TEX11: variants seen among roughly 807,000 people sequenced by gnomAD.
The protein encoded by TEX11 is testis expressed 11.
TEX11 carries 7 observed loss-of-function variants against 84.4 expected under a neutral mutation model. That is an observed-to-expected ratio of 0.08 (90% CI 0.05 to 0.16). The LOEUF is 0.16. TEX11 is among the 10% of genes least tolerant of loss of function. TEX11 has a pLI of 1.00. For missense variants in TEX11, 551 were observed against 660.5 expected (o/e 0.83, Z 1.82); for synonymous variants, 264 against 222.8 (o/e 1.18, Z -1.64).
Position 70,725,299 on chromosome X carries a change from G to C in TEX11, c.888C>G (p.Leu296=). 1 of 1,201,082 alleles carries C rather than the reference G, an allele frequency of 8.3e-7. No homozygotes were observed. Among genetic ancestry groups the C allele is most frequent in the Non-Finnish European group, 1.1e-6 (1 of 888,280 alleles). ...CTTCATTAGATGTTTCGCCTTTCAA[G>C]AGGATTTTCATTTTTAAGAAAAGCC... ...SPGLFLKMKI[L]LKGETSNEEL... The change falls in exon 12 of 30, where the codon CTC becomes CTG. Residue 296 remains leucine, a synonymous_variant. Coordinates refer to ENST00000374333, the MANE Select transcript of TEX11 (RefSeq NM_031276.3).
At chrX:70,668,565 C>A (rs2089996624) in intron 16 of TEX11, among the ~76,000 whole-genome samples, 1 of 112,183 alleles carries the variant, frequency 8.9e-6, no homozygotes, top group Non-Finnish European at 1.9e-5. Flanking sequence ...TTGGTTTCAC[C>A]ACTAATCTGG....
intron 8 of TEX11, among the ~76,000 whole-genome samples, chrX:70,811,626 G>A (rs2091255219): frequency 9.0e-6 from 1 of 111,084 alleles, no homozygotes; most frequent in Non-Finnish European, 1.9e-5. Flanking sequence ...GGTTGAACTA[G>A]TTTACAGTCC....
At chrX:70,710,862 T>C (rs779832757) in intron 13 of TEX11, among the ~76,000 whole-genome samples, 3 of 111,099 alleles carry the variant, frequency 2.7e-5, no homozygotes, top group South Asian at 7.8e-4. Flanking sequence ...TATGTATACA[T>C]GTGCCATGTT....
chrX:70,857,857 A>AG (rs1569456365), intron 5 of TEX11, among the ~76,000 whole-genome samples: 1 of 111,590 alleles, frequency 9.0e-6, no homozygotes, highest in Non-Finnish European at 1.9e-5. Context: ...TATATATATA[A>AG]CTGAATACTA....
At chrX:70,607,247 C>T (rs2089205160) in intron 22 of TEX11, among the ~76,000 whole-genome samples, 1 of 110,770 alleles carries the variant, frequency 9.0e-6, no homozygotes, top group Non-Finnish European at 1.9e-5. Flanking sequence ...GACCAATGAC[C>T]AAGGGAGGTA....
intron 11 of TEX11, among the ~76,000 whole-genome samples, chrX:70,730,780 A>G (rs2090641690): frequency 9.0e-6 from 1 of 111,593 alleles, no homozygotes; most frequent in South Asian, 3.8e-4. Flanking sequence ...CAGGAACTGA[A>G]CTCAGCTCTG....
chrX:70,868,803 C>T (rs1358837523), intron 4 of TEX11, among the ~76,000 whole-genome samples: 1 of 110,108 alleles, frequency 9.1e-6, no homozygotes, highest in Non-Finnish European at 1.9e-5. Flanking sequence ...TAAATGTTCT[C>T]ACTCATAAGT....
At chrX:70,703,149 T>C (rs1236170303) in intron 13 of TEX11, among the ~76,000 whole-genome samples, 1 of 111,549 alleles carries the variant, frequency 9.0e-6, no homozygotes, top group East Asian at 2.8e-4. Flanking sequence ...AGCTGGCTAA[T>C]GGTGGAACAA....
At chrX:70,628,489 T>C (rs2089474096) in intron 18 of TEX11, among the ~76,000 whole-genome samples, 1 of 111,950 alleles carries the variant, frequency 8.9e-6, no homozygotes, top group South Asian at 3.7e-4. Flanking sequence ...CTTCCTACTC[T>C]GAATTTTGGT....
the TEX11 span, among the ~76,000 whole-genome samples, chrX:70,513,843 G>A: frequency 4.6e-5 from 5 of 108,646 alleles, no homozygotes; most frequent in South Asian, 1.6e-3. Context: ...AAGGAAAAAA[G>A]TGTCCTGATA....
At chrX:70,726,442 A>T (rs766092405) in intron 11 of TEX11, among the ~76,000 whole-genome samples, 1 of 111,905 alleles carries the variant, frequency 8.9e-6, no homozygotes, top group Non-Finnish European at 1.9e-5. Context: ...TGCCTGCTAA[A>T]TCCATCAGCT....
intron 5 of TEX11, among the ~76,000 whole-genome samples, 183 bp from the exon 6 acceptor site, chrX:70,853,511 A>T (rs186186374): frequency 2.9e-4 from 33 of 112,333 alleles, no homozygotes; most frequent in African/African-American, 1.1e-3. Flanking sequence ...ACAATTTAAA[A>T]GAAATGGTCA....
chrX:70,648,103 G>T (rs2089767267), intron 17 of TEX11, among the ~76,000 whole-genome samples: 1 of 111,628 alleles, frequency 9.0e-6, no homozygotes, highest in Non-Finnish European at 1.9e-5. Flanking sequence ...ATGAATTCAT[G>T]TCCTTTGTAG....
intron 25 of TEX11, among the ~76,000 whole-genome samples, chrX:70,560,229 T>C (rs1481012786): frequency 9.1e-6 from 1 of 109,597 alleles, no homozygotes; most frequent in Admixed American, 9.9e-5. Context: ...CAGCTGACCG[T>C]GACCTCCGCT....
chrX:70,736,702 C>T (rs1480833103), intron 11 of TEX11, among the ~76,000 whole-genome samples: 1 of 111,588 alleles, frequency 9.0e-6, no homozygotes, highest in Non-Finnish European at 1.9e-5. Flanking sequence ...AGAGTGGTAA[C>T]TCTTTTACAT....
chrX:70,518,010 C>A, the TEX11 span, among the ~76,000 whole-genome samples: 1 of 109,492 alleles, frequency 9.1e-6, no homozygotes, highest in Non-Finnish European at 1.9e-5. Context: ...ATTCTTCTCT[C>A]TTTTCTTCTT....
intron 18 of TEX11, among the ~76,000 whole-genome samples, chrX:70,629,228 G>T (rs1162636631): frequency 2.7e-5 from 3 of 111,767 alleles, no homozygotes; most frequent in Non-Finnish European, 5.6e-5. Flanking sequence ...ACTATTTTGT[G>T]GTTATGAACT....
intron 9 of TEX11, among the ~76,000 whole-genome samples, chrX:70,788,957 TATATATATATATATATAGAGAGAGAGAG>T (rs1308297530): frequency 7.0e-5 from 3 of 43,072 alleles, no homozygotes; most frequent in African/African-American, 3.0e-4. Flanking sequence ...TATATATATA[TATATATATATATATATAGAGAGAGAGAG>T]AGAGAGAGAG....
intron 13 of TEX11, among the ~76,000 whole-genome samples, chrX:70,713,183 T>C (rs989494527): frequency 1.8e-5 from 2 of 111,852 alleles, no homozygotes; most frequent in Non-Finnish European, 1.9e-5. Context: ...TGCTGCTGGA[T>C]TCGGTTTGCC....
Sources: gnomAD v4.1 joint callset for allele counts (sites outside exome capture counted in the v4.1 genomes callset) on GRCh38, gnomAD v4.1.1 for gene constraint, MANE v1.5 for transcripts, NCBI Gene and HGNC (gene_info 2026-07-23, HGNC 2026-07-21) for gene names.